MME: variants seen among roughly 807,000 people sequenced by gnomAD.
The protein encoded by MME is neprilysin.
Under a neutral mutation model 113.2 loss-of-function variants are expected in MME, and 98 were observed. The observed-to-expected ratio is 0.87, with a 90% CI of 0.74 to 1.02. The LOEUF is 1.02. MME is among the 50% of genes least tolerant of loss of function. The probability of loss-of-function intolerance (pLI) is 0.00; values close to 1 mark genes in which losing one functional copy is unlikely to be tolerated. For missense variants in MME, 836 were observed against 896.0 expected (o/e 0.93, Z 0.86); for synonymous variants, 292 against 300.6 (o/e 0.97, Z 0.30).
At chr3:155,059,773 A>C (rs773448439) in intron 1 of MME, among the ~76,000 whole-genome samples, 1 of 152,226 alleles carries the variant, frequency 6.6e-6, no homozygotes, top group Non-Finnish European at 1.5e-5. Context: ...TTAATAGTAT[A>C]AGAACTATAT....
chr3:155,183,707 G>A (rs1713306889), downstream of MME: 1 of 152,102 alleles, frequency 6.6e-6, no homozygotes, highest in Non-Finnish European at 1.5e-5. Flanking sequence ...TAATACTATT[G>A]CTTTTATGCC....
At position 155,181,889 on chromosome 3, in the gene MME, C is replaced by T. The variant is rs202189750; in HGVS notation, c.*1430C>T. ...TATCTAAATGATGAGTATTAGTTCC[C>T]TGTCTCTTGAAAAATGCCCATTTGC... On this transcript the variant is annotated 3_prime_UTR_variant, in exon 23 of 23. Transcript: ENST00000360490. 30 of 152,096 alleles carry T rather than the reference C, an allele frequency of 2.0e-4. No individual in the cohort carries two copies. Among genetic ancestry groups the T allele is most frequent in the Non-Finnish European group, 3.7e-4 (25 of 67,982 alleles). 9.4% of individuals were successfully genotyped at this position (152,096 alleles called of 1,614,324 possible). A position where few individuals can be genotyped will look rare whatever the true frequency, so the allele number is the denominator to read the frequency against.
chr3:155,153,334 C>T (rs570172995), intron 16 of MME, among the ~76,000 whole-genome samples: 5 of 152,208 alleles, frequency 3.3e-5, no homozygotes, highest in Admixed American at 3.3e-4. Flanking sequence ...GTTTCTGATG[C>T]CTAGTATGTG....
chr3:155,036,217 C>T (rs1713122386), intron 1 of MME, among the ~76,000 whole-genome samples: 1 of 152,142 alleles, frequency 6.6e-6, no homozygotes, highest in African/African-American at 2.4e-5. Context: ...AGTGAAATCA[C>T]TACTTAATCT....
chr3:155,025,181 G>A (rs559969775), intron 1 of MME, among the ~76,000 whole-genome samples: 8 of 152,228 alleles, frequency 5.3e-5, no homozygotes, highest in East Asian at 1.9e-4. Flanking sequence ...CACCACCCAG[G>A]GTGCAGCCCA....
chr3:155,131,670 A>G (rs1327766227), intron 8 of MME, among the ~76,000 whole-genome samples: 2 of 152,122 alleles, frequency 1.3e-5, no homozygotes, highest in Non-Finnish European at 2.9e-5. Flanking sequence ...AAAGCCCCAA[A>G]CAGTCCCTAT....
intron 16 of MME, among the ~76,000 whole-genome samples, chr3:155,149,735 T>A (rs1721784723): frequency 6.6e-6 from 1 of 152,110 alleles, no homozygotes; most frequent in Admixed American, 6.5e-5. Flanking sequence ...GTAAACCAAG[T>A]ACAGGTTGGA....
intron 8 of MME, among the ~76,000 whole-genome samples, chr3:155,133,687 T>TAC (rs1553762564): frequency 4.2e-4 from 59 of 141,298 alleles, no homozygotes; most frequent in African/African-American, 1.5e-3. Context: ...TATATATATA[T>TAC]ACCATACATA....
intron 3 of MME, among the ~76,000 whole-genome samples, chr3:155,097,486 G>A (rs1382182490): frequency 6.6e-6 from 1 of 152,176 alleles, no homozygotes; most frequent in African/African-American, 2.4e-5. Flanking sequence ...AGGTTGAGTA[G>A]GCTAAATGTT....
intron 3 of MME, among the ~76,000 whole-genome samples, chr3:155,109,244 T>A (rs1717961354): frequency 1.3e-5 from 2 of 152,122 alleles, no homozygotes; most frequent in Admixed American, 1.3e-4. Flanking sequence ...TGTTTACCTA[T>A]AGGCACAAGA....
At position 155,115,024 on chromosome 3, in the gene MME, C is replaced by G. The variant is rs200314982; in HGVS notation, c.227C>G (p.Thr76Ser). The change falls in exon 4 of 23, where the codon ACC becomes AGC. Residue 76 changes from threonine (T) to serine (S), a missense_variant. Transcript: ENST00000360490. The part of the protein sequence containing the change: ...AARLIQNMDA[T>S]TEPCTDFFKY... ...CGACTGATCCAAAACATGGATGCCA[C>G]CACTGAGCCTTGTACAGACTTTTTC... 6.2e-7 allele frequency: 1 copy of G among 1,614,066 alleles called. No individual in the cohort carries two copies. Among genetic ancestry groups the G allele is most frequent in the Non-Finnish European group, 8.5e-7 (1 of 1,179,978 alleles).
chr3:155,097,756 A>G (rs1262514171), intron 3 of MME, among the ~76,000 whole-genome samples: 1 of 152,190 alleles, frequency 6.6e-6, no homozygotes, highest in African/African-American at 2.4e-5. Context: ...TTGTGAAGTA[A>G]CAAACAAAAA....
chr3:155,122,794 A>C (rs1015296204), intron 8 of MME, among the ~76,000 whole-genome samples: 1 of 41,078 alleles, frequency 2.4e-5, no homozygotes, highest in African/African-American at 9.9e-5. Context: ...AGTTTTTTAT[A>C]ATTTCTGTTC....
upstream of MME, among the ~76,000 whole-genome samples, chr3:155,075,911 C>T (rs1714733559): frequency 6.6e-6 from 1 of 152,118 alleles, no homozygotes; most frequent in Admixed American, 6.5e-5. Context: ...TTTTTTATCA[C>T]CATTCTTTTA....
At chr3:155,101,326 G>A (rs981297493) in intron 3 of MME, among the ~76,000 whole-genome samples, 3 of 152,142 alleles carry the variant, frequency 2.0e-5, no homozygotes, top group African/African-American at 4.8e-5. Context: ...TATCAACTAT[G>A]GTAATAAAGT....
chr3:155,129,964 C>G (rs1162161120), intron 8 of MME, among the ~76,000 whole-genome samples: 1 of 149,676 alleles, frequency 6.7e-6, no homozygotes, highest in Non-Finnish European at 1.5e-5. Flanking sequence ...TAAGAAATCA[C>G]CCACCTTCAG....
intron 3 of MME, among the ~76,000 whole-genome samples, chr3:155,095,611 C>T (rs1716664344): frequency 6.6e-6 from 1 of 151,970 alleles, no homozygotes; most frequent in South Asian, 2.1e-4. Context: ...ACCTCTTGGG[C>T]TCAAGCAATC....
At chr3:155,024,727 T>G (rs1295562272) in intron 1 of MME, among the ~76,000 whole-genome samples, 8 of 152,186 alleles carry the variant, frequency 5.3e-5, no homozygotes, top group Admixed American at 5.2e-4. Context: ...ATTTTAGAAA[T>G]AAGAGCATAA....
chr3:155,043,490 G>A (rs969151308), intron 1 of MME, among the ~76,000 whole-genome samples: 3 of 151,800 alleles, frequency 2.0e-5, no homozygotes, highest in African/African-American at 7.2e-5. Context: ...GCACCACCAC[G>A]CCCGGCCAAT....
Sources: allele counts gnomAD v4.1 joint callset (sites outside exome capture counted in the v4.1 genomes callset), GRCh38; gene constraint gnomAD v4.1.1; transcripts MANE v1.5; gene names NCBI Gene and HGNC (gene_info 2026-07-23, HGNC 2026-07-21).